The following ALDH7A1 variants were observed in gnomAD, a reference collection of about 807,000 sequenced individuals.
ALDH7A1 encodes the protein aldehyde dehydrogenase 7 family member A1.
ALDH7A1 carries 63 observed loss-of-function variants against 79.9 expected under a neutral mutation model. The ratio of observed to expected loss-of-function variants is 0.79; its 90% CI spans 0.64 to 0.97. ALDH7A1 has a LOEUF of 0.97. Among genes scored for constraint, ALDH7A1 ranks in the 50% least tolerant of loss-of-function variants. The probability of loss-of-function intolerance (pLI) is 0.00; values close to 1 mark genes in which losing one functional copy is unlikely to be tolerated. For synonymous variants in ALDH7A1, 240 were observed against 231.2 expected (o/e 1.04, Z -0.34); for missense variants, 627 against 665.2 (o/e 0.94, Z 0.63).
At chr5:126,566,612 G>A (rs1339476851) in intron 9 of ALDH7A1, among the ~76,000 whole-genome samples, 2 of 152,024 alleles carry the variant, frequency 1.3e-5, no homozygotes, top group African/African-American at 4.8e-5. Flanking sequence ...AAAAACCTTG[G>A]AAATCATCCA....
rs552175343 is a variant in ALDH7A1, at chr5:126,592,817, G to T, written c.247-88C>A. 25 of 1,342,730 alleles carry T rather than the reference G, an allele frequency of 1.9e-5. 1 individual carries two copies. In the South Asian group the frequency reaches 2.9e-4, roughly 16 times the overall value. 83.2% of individuals were successfully genotyped at this position (1,342,730 alleles called of 1,614,324 possible). A position where few individuals can be genotyped will look rare whatever the true frequency, so the allele number is the denominator to read the frequency against. ...AACACAAAAATATTTTCAGAAAAGA[G>T]TTGGGAAATCTCTAGGGTTCCCTAA... On this transcript the variant is annotated intron_variant, in intron 2 of 17. Transcript: ENST00000409134.
chr5:126,551,615 G>A (rs1014424012), intron 14 of ALDH7A1, among the ~76,000 whole-genome samples: 23 of 152,112 alleles, frequency 1.5e-4, no homozygotes, highest in African/African-American at 5.6e-4. Context: ...GAGCCACCGT[G>A]CCTGGCCAAC....
chr5:126,589,158 A>C (rs1751457746), intron 3 of ALDH7A1: 1 of 151,952 alleles, frequency 6.6e-6, no homozygotes, highest in Non-Finnish European at 1.5e-5. Flanking sequence ...AAAGTCTATT[A>C]ATTTCTTTTT....
chr5:126,592,832 G>A lies in ALDH7A1; in HGVS notation c.247-103C>T, dbSNP rs1048201494. 5.9e-6 allele frequency: 7 copies of A among 1,180,450 alleles called. No individual in the cohort carries two copies. The East Asian group carries it at 1.7e-4, about 29-fold the overall frequency. The allele number at this position is 1,180,450 out of a possible 1,614,324, so 73.1% of individuals were successfully genotyped here. The stretch of plus-strand genomic sequence containing the variant: ...TCAGAAAAGAGTTGGGAAATCTCTA[G>A]GGTTCCCTAACATTTATGGCTGAGA... On this transcript the variant is annotated intron_variant, in intron 2 of 17. Transcript: ENST00000409134.
At chr5:126,547,780 A>G (rs4836273) in intron 16 of ALDH7A1, among the ~76,000 whole-genome samples, 66,606 of 152,012 alleles carry the variant, frequency 0.44, 16,052 homozygotes, top group East Asian at 0.68. Flanking sequence ...GGCCAGGTAC[A>G]GTGGCTCACA....
At chr5:126,572,865 T>C (rs1750823017) in intron 7 of ALDH7A1, among the ~76,000 whole-genome samples, 1 of 152,232 alleles carries the variant, frequency 6.6e-6, no homozygotes, top group African/African-American at 2.4e-5. Context: ...GCTATGCTGC[T>C]GTCCTATATC....
chr5:126,553,204 C>A (rs1215018657), intron 13 of ALDH7A1: 1 of 152,084 alleles, frequency 6.6e-6, no homozygotes, highest in Non-Finnish European at 1.5e-5. Flanking sequence ...ATATTAAGGA[C>A]CCAATTCAAA....
chr5:126,590,525 G>A (rs1751518483), intron 3 of ALDH7A1, among the ~76,000 whole-genome samples: 1 of 152,078 alleles, frequency 6.6e-6, no homozygotes, highest in Non-Finnish European at 1.5e-5. Context: ...CACCACTGCA[G>A]AGTGACAGAG....
intron 11 of ALDH7A1, 89 bp from the exon 12 acceptor site, chr5:126,556,104 C>G: frequency 1.3e-6 from 1 of 743,276 alleles, no homozygotes. Context: ...TACTGAAATA[C>G]TGTAATCTCT....
At chr5:126,553,840 G>A (rs1554098492) in intron 13 of ALDH7A1, among the ~76,000 whole-genome samples, 1 of 151,808 alleles carries the variant, frequency 6.6e-6, no homozygotes, top group Non-Finnish European at 1.5e-5. Flanking sequence ...AAGTGTGGTG[G>A]TTCATGCCTG....
intron 3 of ALDH7A1, among the ~76,000 whole-genome samples, chr5:126,591,483 A>C: frequency 7.3e-6 from 1 of 137,036 alleles, no homozygotes; most frequent in Non-Finnish European, 1.5e-5. Flanking sequence ...GCAATCACTC[A>C]CTCAGAGAAA....
In ALDH7A1 at chr5:126,543,148, T is replaced by G. The variant is rs976475309; in HGVS notation, c.*1817A>C. On this transcript the variant is annotated 3_prime_UTR_variant, in exon 18 of 18. Coordinates refer to ENST00000409134, the MANE Select transcript of ALDH7A1 (RefSeq NM_001182.5). ...AGACCAGTAATAACACTTACAAATG[T>G]ACATTTTAACTTGGATAGTTAAAAA... is the stretch of plus-strand genomic sequence containing the variant. The G allele has an allele frequency of 6.6e-6, 1 of 152,216 alleles. No homozygotes were observed. The highest frequency in any genetic ancestry group is 1.5e-5 in the Non-Finnish European group (1 of 68,040). The allele number at this position is 152,216 out of a possible 1,614,324, so 9.4% of individuals were successfully genotyped here. A position where few individuals can be genotyped will look rare whatever the true frequency, so the allele number is the denominator to read the frequency against.
At chr5:126,579,089 G>C (rs1751082260) in intron 5 of ALDH7A1, among the ~76,000 whole-genome samples, 1 of 152,162 alleles carries the variant, frequency 6.6e-6, no homozygotes, top group African/African-American at 2.4e-5. Flanking sequence ...TGTGGATTTT[G>C]GATACCTACT....
chr5:126,593,474 C>G (rs770486773), intron 1 of ALDH7A1, 70 bp from the exon 2 acceptor site: 22 of 1,600,584 alleles, frequency 1.4e-5, no homozygotes, highest in Non-Finnish European at 1.9e-5. Flanking sequence ...ATAGACCAAA[C>G]GGGGAAGAAA....
At position 126,583,970 on chromosome 5, in the gene ALDH7A1, C is replaced by G; in HGVS notation, c.355G>C (p.Asp119His). The change falls in exon 4 of 18, where the codon GAT (aspartate) becomes CAT (histidine). Residue 119 changes from aspartate to histidine, a missense_variant. Physicochemically the swap from Asp to His is moderately conservative, Grantham distance 81. Coordinates refer to ENST00000409134, the MANE Select transcript of ALDH7A1 (RefSeq NM_001182.5). ...KRGEIVRQIG[D>H]ALREKIQVLG... ...ACTTGGATCTTCTCCCGCAAGGCAT[C>G]GCCAATCTGTCTTACTATTTCTCCT... 6.2e-7 allele frequency: 1 copy of G among 1,614,184 alleles called. No individual in the cohort carries two copies.
chr5:126,581,492 G>A (rs1414691370), intron 5 of ALDH7A1: 1 of 151,796 alleles, frequency 6.6e-6, no homozygotes, highest in African/African-American at 2.4e-5. Context: ...AAATAGCCAG[G>A]TATGGTGGCA....
intron 16 of ALDH7A1, among the ~76,000 whole-genome samples, chr5:126,548,643 T>G (rs1045055101): frequency 3.3e-5 from 5 of 152,058 alleles, no homozygotes; most frequent in Non-Finnish European, 5.9e-5. Flanking sequence ...CCCAGGCTGG[T>G]CTTGAACTCC....
At chr5:126,566,373 T>G (rs897408084) in intron 9 of ALDH7A1, among the ~76,000 whole-genome samples, 3 of 152,234 alleles carry the variant, frequency 2.0e-5, no homozygotes, top group African/African-American at 7.2e-5. Context: ...GATTTCATTT[T>G]TGGATTGTTC....
chr5:126,546,446 T>C lies in ALDH7A1; in HGVS notation c.1490-47A>G, dbSNP rs7719091. ...TCATATCTTCTGAGCAGTTTCCATG[T>C]GGGCTCATAGTTGGTATCAATGAAA... On this transcript the variant is annotated intron_variant, in intron 16 of 17. Coordinates refer to ENST00000409134, the MANE Select transcript of ALDH7A1 (RefSeq NM_001182.5). The C allele has an allele frequency of 2.6e-3, 4,004 of 1,558,362 alleles. 101 individuals carry two copies. The African/African-American group carries it at 0.046, about 18-fold the overall frequency.
Sources: gnomAD v4.1 joint callset for allele counts (sites outside exome capture counted in the v4.1 genomes callset) on GRCh38, gnomAD v4.1.1 for gene constraint, MANE v1.5 for transcripts, NCBI Gene and HGNC (gene_info 2026-07-23, HGNC 2026-07-21) for gene names.